CTNNA2: variants seen among roughly 807,000 people sequenced by gnomAD.
CTNNA2 encodes the protein catenin alpha-2.
In CTNNA2, 42 loss-of-function variants were observed where a neutral mutation model predicts 101.0. The observed-to-expected ratio is 0.42, with a 90% CI of 0.32 to 0.54. The LOEUF (loss-of-function observed/expected upper bound fraction) is 0.54. Ranked by LOEUF, CTNNA2 falls within the 20% of genes least tolerant of loss-of-function variation. CTNNA2 has a pLI of 0.14. For missense variants in CTNNA2, 871 were observed against 1,223.1 expected, an observed-to-expected ratio of 0.71 and a Z score of 4.29; for synonymous variants, 450 against 456.4, an observed-to-expected ratio of 0.99 and a Z score of 0.18.
rs1693269439 is a variant in CTNNA2 at position 80,005,459 on chromosome 2, A to G, written c.1056+95662A>G. Among the ~76,000 whole-genome samples the G allele has an allele frequency of 3.3e-5, 5 of 152,160 alleles. No homozygotes were observed. In the South Asian group the frequency reaches 1.0e-3, roughly 31 times the overall value. The stretch of plus-strand genomic sequence containing the variant: ...CTTAACAGAGACAACTTAAGGGGAA[A>G]AAAACTTTTAGAGCACTTACTGGCA... On this transcript the variant is annotated intron_variant, in intron 7 of 18. Transcript: ENST00000402739.
chr2:80,054,973 A>T (rs1697123967), intron 7 of CTNNA2, among the ~76,000 whole-genome samples: 2 of 152,156 alleles, frequency 1.3e-5, no homozygotes, highest in Admixed American at 1.3e-4. Flanking sequence ...CTAAAATTAA[A>T]TTAAACTGTA....
At chr2:79,812,554 T>G (rs890696127) in intron 3 of CTNNA2, among the ~76,000 whole-genome samples, 6 of 152,210 alleles carry the variant, frequency 3.9e-5, no homozygotes, top group Admixed American at 6.6e-5. Flanking sequence ...TCAAGCTTAT[T>G]TTCTTTGCCC....
intron 7 of CTNNA2, among the ~76,000 whole-genome samples, chr2:79,922,445 T>C (rs2104385564): frequency 6.6e-6 from 1 of 152,268 alleles, no homozygotes; most frequent in Admixed American, 6.5e-5. Flanking sequence ...GTGTATCTTA[T>C]GGATGTGGTA....
intron 3 of CTNNA2, among the ~76,000 whole-genome samples, chr2:79,755,520 A>G (rs1672339930): frequency 6.6e-6 from 1 of 152,078 alleles, no homozygotes; most frequent in Non-Finnish European, 1.5e-5. Flanking sequence ...CCTTATAGAA[A>G]CTTCATTTTA....
intron 7 of CTNNA2, among the ~76,000 whole-genome samples, chr2:80,045,057 C>A (rs189275155): frequency 3.9e-5 from 6 of 152,280 alleles, no homozygotes; most frequent in African/African-American, 1.4e-4. Context: ...GAATAATGGG[C>A]CTATGGCCTC....
intron 11 of CTNNA2, 27 bp from the exon 12 acceptor site, chr2:80,555,666 C>G (rs373226210): frequency 6.6e-6 from 9 of 1,368,900 alleles, no homozygotes; most frequent in South Asian, 5.2e-5. Flanking sequence ...GTAAAGTCAT[C>G]TAAATGTGTA....
chr2:79,688,365 T>C (rs1428062323), intron 2 of CTNNA2, among the ~76,000 whole-genome samples: 1 of 152,050 alleles, frequency 6.6e-6, no homozygotes, highest in Non-Finnish European at 1.5e-5. Flanking sequence ...TTTTGTGTAC[T>C]CTGTTTTGAG....
At chr2:79,672,363 TAA>T (rs1234296464) in intron 2 of CTNNA2, among the ~76,000 whole-genome samples, 1 of 152,208 alleles carries the variant, frequency 6.6e-6, no homozygotes, top group Non-Finnish European at 1.5e-5. Context: ...TCACGAACAT[TAA>T]AGCAAATTTA....
intron 2 of CTNNA2, among the ~76,000 whole-genome samples, chr2:79,721,420 T>C (rs1686481197): frequency 6.6e-6 from 1 of 152,154 alleles, no homozygotes; most frequent in Admixed American, 6.5e-5. Context: ...AGTCCTAAAA[T>C]GGGGGCTCCA....
At chr2:80,043,693 A>G (rs1366796708) in intron 7 of CTNNA2, among the ~76,000 whole-genome samples, 1 of 152,232 alleles carries the variant, frequency 6.6e-6, no homozygotes, top group Non-Finnish European at 1.5e-5. Context: ...AGAATTGAAT[A>G]TGATGTCATA....
At chr2:79,230,729 C>G (rs936555927) in intron 2 of CTNNA2, among the ~76,000 whole-genome samples, 1 of 152,120 alleles carries the variant, frequency 6.6e-6, no homozygotes, top group African/African-American at 2.4e-5. Flanking sequence ...CAATGCTAGC[C>G]CATGAAAGCA....
intron 12 of CTNNA2, among the ~76,000 whole-genome samples, chr2:80,566,906 G>A (rs1694113086): frequency 6.6e-6 from 1 of 152,170 alleles, no homozygotes; most frequent in South Asian, 2.1e-4. Flanking sequence ...TTTAGCCTGT[G>A]GTGTCAGAAG....
At chr2:80,569,704 ACC>A (rs1161216931) in intron 12 of CTNNA2, among the ~76,000 whole-genome samples, 2 of 121,012 alleles carry the variant, frequency 1.7e-5, no homozygotes, top group African/African-American at 6.2e-5. Context: ...GTGCAGTGGC[ACC>A]ACCTCGGCTC....
chr2:80,050,185 G>C (rs181729863), intron 7 of CTNNA2, among the ~76,000 whole-genome samples: 74 of 152,256 alleles, frequency 4.9e-4, no homozygotes, highest in African/African-American at 1.3e-3. Flanking sequence ...TGGTGATGTG[G>C]GGAGGCCGAG....
chr2:80,213,478 A>G (rs184855880), intron 7 of CTNNA2, among the ~76,000 whole-genome samples: 23 of 152,348 alleles, frequency 1.5e-4, no homozygotes, highest in African/African-American at 5.5e-4. Context: ...TGTACCCAGT[A>G]GTCATTCAGG....
intron 3 of CTNNA2, among the ~76,000 whole-genome samples, chr2:79,841,481 T>A (rs1021439293): frequency 2.0e-5 from 3 of 152,178 alleles, no homozygotes; most frequent in African/African-American, 7.2e-5. Flanking sequence ...ATATCTAATT[T>A]TTAAGAAGGT....
intron 9 of CTNNA2, among the ~76,000 whole-genome samples, chr2:80,511,739 C>A (rs1270796534): frequency 6.6e-6 from 1 of 152,070 alleles, no homozygotes; most frequent in East Asian, 1.9e-4. Flanking sequence ...TGTCCAAGGT[C>A]AAATTTAATA....
chr2:79,594,837 CA>C (rs1417084424), intron 1 of CTNNA2, among the ~76,000 whole-genome samples: 1 of 152,124 alleles, frequency 6.6e-6, no homozygotes, highest in Non-Finnish European at 1.5e-5. Context: ...ATTATATCAT[CA>C]TTATCATTAT....
intron 7 of CTNNA2, among the ~76,000 whole-genome samples, chr2:80,387,288 C>CA (rs377122705): frequency 0.035 from 5,029 of 143,658 alleles, 273 homozygotes; most frequent in African/African-American, 0.12. Flanking sequence ...GACTTTGTCT[C>CA]AAAAAAAAAA....
Sources: gnomAD v4.1 joint callset for allele counts (sites outside exome capture counted in the v4.1 genomes callset) on GRCh38, gnomAD v4.1.1 for gene constraint, MANE v1.5 for transcripts, NCBI Gene and HGNC (gene_info 2026-07-23, HGNC 2026-07-21) for gene names.